CPQ: variants seen among roughly 807,000 people sequenced by gnomAD.
CPQ encodes carboxypeptidase Q.
In CPQ, 37 loss-of-function variants were observed where a neutral mutation model predicts 45.7. The observed-to-expected ratio is 0.81, with a 90% CI of 0.62 to 1.07. CPQ has a LOEUF of 1.07. CPQ is among the 50% of genes least tolerant of loss of function. The pLI is 0.00. For synonymous variants in CPQ, 186 were observed against 205.8 expected, an observed-to-expected ratio of 0.90 and a Z score of 0.82; for missense variants, 537 against 572.9, an observed-to-expected ratio of 0.94 and a Z score of 0.64.
At chr8:97,040,262 T>A (rs1399783397) in intron 6 of CPQ, among the ~76,000 whole-genome samples, 3 of 152,248 alleles carry the variant, frequency 2.0e-5, no homozygotes, top group Non-Finnish European at 4.4e-5. Context: ...CATGTGTCTG[T>A]TTTCTGCATA....
chr8:96,990,803 T>C (rs1295617839), intron 5 of CPQ, among the ~76,000 whole-genome samples: 1 of 152,190 alleles, frequency 6.6e-6, no homozygotes, highest in Non-Finnish European at 1.5e-5. Context: ...TAGATACCTA[T>C]GGACTGGGTA....
chr8:96,681,394 G>A (rs1336160067), intron 1 of CPQ, among the ~76,000 whole-genome samples: 1 of 152,196 alleles, frequency 6.6e-6, no homozygotes. Context: ...TTGGGCTGTT[G>A]CTTCGCAGGG....
chr8:97,084,677 G>A (rs997690072), intron 7 of CPQ, among the ~76,000 whole-genome samples: 5 of 152,078 alleles, frequency 3.3e-5, no homozygotes, highest in African/African-American at 1.2e-4. Context: ...AGGCCCTCGG[G>A]GACATTTACA....
At chr8:97,142,124 A>C (rs559291382) in intron 7 of CPQ, among the ~76,000 whole-genome samples, 2 of 152,174 alleles carry the variant, frequency 1.3e-5, no homozygotes, top group Non-Finnish European at 2.9e-5. Flanking sequence ...ACATATATGT[A>C]CTTATTATTT....
intron 2 of CPQ, among the ~76,000 whole-genome samples, chr8:96,786,228 T>C (rs1810766938): frequency 6.6e-6 from 1 of 152,152 alleles, no homozygotes; most frequent in Non-Finnish European, 1.5e-5. Flanking sequence ...CTTTCTGTCT[T>C]TATGGATTTG....
intron 3 of CPQ, among the ~76,000 whole-genome samples, chr8:96,876,587 A>C (rs931743797): frequency 1.3e-5 from 2 of 152,142 alleles, no homozygotes; most frequent in Admixed American, 6.6e-5. Flanking sequence ...GCTTTTTATC[A>C]GATTGAGGAA....
intron 4 of CPQ, among the ~76,000 whole-genome samples, chr8:96,902,649 T>A (rs1812526192): frequency 6.6e-6 from 1 of 152,184 alleles, no homozygotes; most frequent in African/African-American, 2.4e-5. Context: ...TGCCCTTGTC[T>A]GCTACTATGT....
At chr8:96,727,776 G>A (rs891822519) in intron 1 of CPQ, among the ~76,000 whole-genome samples, 1 of 152,298 alleles carries the variant, frequency 6.6e-6, no homozygotes, top group Admixed American at 6.5e-5. Flanking sequence ...CAGGAGCAGT[G>A]GGACTGTGGT....
chr8:97,100,126 A>C (rs1305408920), intron 7 of CPQ, among the ~76,000 whole-genome samples: 1 of 152,226 alleles, frequency 6.6e-6, no homozygotes, highest in Non-Finnish European at 1.5e-5. Flanking sequence ...GGGAACCCCA[A>C]CTGGAACATA....
intron 4 of CPQ, among the ~76,000 whole-genome samples, chr8:96,895,960 T>C (rs1308192178): frequency 6.6e-6 from 1 of 152,158 alleles, no homozygotes; most frequent in African/African-American, 2.4e-5. Flanking sequence ...TGGAAGTAGC[T>C]CTCTCTTCTC....
At chr8:96,658,423 T>G (rs1815661686) in intron 1 of CPQ, among the ~76,000 whole-genome samples, 2 of 152,208 alleles carry the variant, frequency 1.3e-5, no homozygotes, top group Admixed American at 1.3e-4. Flanking sequence ...TCTTTATACC[T>G]CCATTTCTTC....
At chr8:96,994,498 T>C (rs961858968) in intron 5 of CPQ, among the ~76,000 whole-genome samples, 1 of 152,160 alleles carries the variant, frequency 6.6e-6, no homozygotes, top group African/African-American at 2.4e-5. Flanking sequence ...GTTCTATTTA[T>C]CTTTTGTCTT....
intron 7 of CPQ, among the ~76,000 whole-genome samples, chr8:97,126,417 T>C (rs572455062): frequency 5.3e-5 from 8 of 152,340 alleles, no homozygotes; most frequent in African/African-American, 1.7e-4. Flanking sequence ...CATGCAAGCA[T>C]GAGAACCCTC....
At chr8:96,758,589 T>TG (rs937082122) in intron 1 of CPQ, among the ~76,000 whole-genome samples, 2 of 152,160 alleles carry the variant, frequency 1.3e-5, no homozygotes, top group African/African-American at 4.8e-5. Flanking sequence ...TAATGGGAGA[T>TG]GGGGGAGGCC....
chr8:97,054,385 T>A (rs1045211820), intron 6 of CPQ, among the ~76,000 whole-genome samples: 1 of 152,130 alleles, frequency 6.6e-6, no homozygotes, highest in Non-Finnish European at 1.5e-5. Flanking sequence ...GAACTAAAAG[T>A]ATATCTACCA....
chr8:97,090,720 T>C (rs1464370409), intron 7 of CPQ, among the ~76,000 whole-genome samples: 2 of 152,098 alleles, frequency 1.3e-5, no homozygotes, highest in Non-Finnish European at 2.9e-5. Flanking sequence ...AATGAGTCAG[T>C]GTGTGAGTGC....
At chr8:96,999,437 A>G (rs1324129252) in intron 5 of CPQ, among the ~76,000 whole-genome samples, 1 of 151,596 alleles carries the variant, frequency 6.6e-6, no homozygotes, top group Non-Finnish European at 1.5e-5. Flanking sequence ...TCCCCTCTAC[A>G]TGTTCATGTG....
At chr8:96,865,371 C>T (rs1811984976) in intron 3 of CPQ, among the ~76,000 whole-genome samples, 1 of 151,998 alleles carries the variant, frequency 6.6e-6, no homozygotes, top group Non-Finnish European at 1.5e-5. Flanking sequence ...CTGTCTCTGT[C>T]TTAGGGAAGA....
intron 6 of CPQ, among the ~76,000 whole-genome samples, chr8:97,037,391 C>G (rs1810021927): frequency 6.6e-6 from 1 of 152,264 alleles, no homozygotes; most frequent in East Asian, 1.9e-4. Flanking sequence ...TGTACTCATT[C>G]AGCATAATTG....
Sources: gnomAD v4.1 joint callset for allele counts (sites outside exome capture counted in the v4.1 genomes callset) on GRCh38, gnomAD v4.1.1 for gene constraint, MANE v1.5 for transcripts, NCBI Gene and HGNC (gene_info 2026-07-23, HGNC 2026-07-21) for gene names.